TP63: variants seen among roughly 807,000 people sequenced by gnomAD.
TP63 encodes tumor protein p63.
In TP63, 17 loss-of-function variants were observed where a neutral mutation model predicts 82.8. The observed-to-expected ratio is 0.21, with a 90% CI of 0.14 to 0.31. The LOEUF (loss-of-function observed/expected upper bound fraction) is 0.31. TP63 is among the 10% of genes least tolerant of loss of function. The pLI is 1.00. For synonymous variants in TP63, 330 were observed against 321.7 expected (o/e 1.03, Z -0.28); for missense variants, 648 against 895.3 (o/e 0.72, Z 3.52).
chr3:189,769,453 G>C (rs1171035460), intron 3 of TP63, among the ~76,000 whole-genome samples: 2 of 152,178 alleles, frequency 1.3e-5, no homozygotes, highest in East Asian at 3.8e-4. Context: ...TGACAAGCCA[G>C]CTCTACCATG....
intron 3 of TP63, among the ~76,000 whole-genome samples, chr3:189,742,625 T>C (rs956971641): frequency 6.6e-6 from 1 of 152,238 alleles, no homozygotes; most frequent in Non-Finnish European, 1.5e-5. Flanking sequence ...CAACAGCCCT[T>C]AGCGTAGTGC....
chr3:189,696,432 G>A (rs773101891), intron 1 of TP63, among the ~76,000 whole-genome samples: 30 of 151,988 alleles, frequency 2.0e-4, no homozygotes, highest in Non-Finnish European at 4.0e-4. Context: ...ATACCACAAC[G>A]TATTCATTCA....
upstream of TP63, among the ~76,000 whole-genome samples, chr3:189,626,977 T>G (rs368438033): frequency 5.3e-5 from 8 of 152,280 alleles, no homozygotes; most frequent in African/African-American, 1.9e-4. Flanking sequence ...AGAATCAGTT[T>G]CTGTTGTTTA....
At chr3:189,732,034 T>C (rs992349649) in intron 1 of TP63, among the ~76,000 whole-genome samples, 2 of 152,230 alleles carry the variant, frequency 1.3e-5, no homozygotes, top group Non-Finnish European at 2.9e-5. Context: ...TTAATTTTTC[T>C]TTCCTTTTTA....
At chr3:189,622,093 C>G in the TP63 span, among the ~76,000 whole-genome samples, 1 of 152,220 alleles carries the variant, frequency 6.6e-6, no homozygotes, top group Non-Finnish European at 1.5e-5. Flanking sequence ...GCATCCACCC[C>G]CACATGCTTA....
chr3:189,622,989 C>G, the TP63 span, among the ~76,000 whole-genome samples: 1 of 152,066 alleles, frequency 6.6e-6, no homozygotes. Flanking sequence ...CTCTAAATTT[C>G]TTTTTAACTT....
At chr3:189,685,491 T>G (rs1414518500) in intron 1 of TP63, among the ~76,000 whole-genome samples, 2 of 152,184 alleles carry the variant, frequency 1.3e-5, no homozygotes, top group African/African-American at 2.4e-5. Context: ...AGATGAAGCT[T>G]CCCGCAGCCA....
At chr3:189,742,775 A>T (rs1721094839) in intron 3 of TP63, among the ~76,000 whole-genome samples, 1 of 152,228 alleles carries the variant, frequency 6.6e-6, no homozygotes, top group Non-Finnish European at 1.5e-5. Flanking sequence ...GAAAAGGCAA[A>T]TGTGTGTAAA....
the TP63 span, among the ~76,000 whole-genome samples, chr3:189,599,588 G>A: frequency 1.1e-4 from 17 of 152,178 alleles, no homozygotes; most frequent in Non-Finnish European, 2.4e-4. Context: ...TAGCAGTGAC[G>A]GCGATCATGG....
At chr3:189,597,078 T>C in the TP63 span, among the ~76,000 whole-genome samples, 1 of 152,126 alleles carries the variant, frequency 6.6e-6, no homozygotes, top group Non-Finnish European at 1.5e-5. Context: ...ACGCGCCACC[T>C]TAAGAGCTGT....
At chr3:189,642,560 G>GTA (rs1711992085) in intron 1 of TP63, among the ~76,000 whole-genome samples, 1 of 151,276 alleles carries the variant, frequency 6.6e-6, no homozygotes. Flanking sequence ...TTTTTTTCAT[G>GTA]TATAAAGAAG....
intron 3 of TP63, among the ~76,000 whole-genome samples, chr3:189,747,557 CA>C (rs1721473193): frequency 6.6e-6 from 1 of 151,802 alleles, no homozygotes; most frequent in African/African-American, 2.4e-5. Context: ...CACAATGTAT[CA>C]AAAATCTATG....
intron 1 of TP63, among the ~76,000 whole-genome samples, chr3:189,653,249 G>A (rs1162798557): frequency 6.6e-6 from 1 of 152,192 alleles, no homozygotes; most frequent in Admixed American, 6.5e-5. Flanking sequence ...GACAGAGTGG[G>A]AGAACCTAGA....
At chr3:189,815,896 A>G (rs1251685982) in intron 4 of TP63, among the ~76,000 whole-genome samples, 1 of 152,200 alleles carries the variant, frequency 6.6e-6, no homozygotes, top group East Asian at 1.9e-4. Flanking sequence ...CATTATCAGA[A>G]CATATTTTTC....
At chr3:189,664,952 A>G (rs1714249702) in intron 1 of TP63, among the ~76,000 whole-genome samples, 1 of 152,178 alleles carries the variant, frequency 6.6e-6, no homozygotes, top group South Asian at 2.1e-4. Flanking sequence ...ATATTCAGGA[A>G]TTTTACAAAC....
At position 189,805,506 on chromosome 3, in the gene TP63, G is replaced by T. The variant is rs75789632; in HGVS notation, c.325-2766G>T. On this transcript the variant is annotated intron_variant, in intron 3 of 13. Transcript: ENST00000264731. Reference sequence around the variant, plus strand: ...CAGGTAAGTTTTATTAACTTCACTGGTGAAGTCCTAGGATAAAGCAGTGCC... The same window carrying T: ...CAGGTAAGTTTTATTAACTTCACTGTTGAAGTCCTAGGATAAAGCAGTGCC... Among the ~76,000 whole-genome samples the T allele has an allele frequency of 6.6e-3, 1,012 of 152,318 alleles. 9 individuals are homozygous for T. The highest frequency in any genetic ancestry group is 0.023 in the African/African-American group (969 of 41,564).
chr3:189,682,545 AAAAAAAAAATATATATATATAT>A (rs1304069044), intron 1 of TP63, among the ~76,000 whole-genome samples: 4 of 71,240 alleles, frequency 5.6e-5, no homozygotes, highest in African/African-American at 1.8e-4. Context: ...GGAAAAAAAA[AAAAAAAAAATATATATATATAT>A]ATATATATAT....
intron 3 of TP63, among the ~76,000 whole-genome samples, chr3:189,802,728 G>A (rs746971610): frequency 3.3e-5 from 5 of 152,114 alleles, no homozygotes; most frequent in Non-Finnish European, 5.9e-5. Flanking sequence ...GTACTGAAGC[G>A]TGTTCAATCC....
At chr3:189,737,050 T>C (rs1323350892) in intron 1 of TP63, among the ~76,000 whole-genome samples, 1 of 152,124 alleles carries the variant, frequency 6.6e-6, no homozygotes, top group African/African-American at 2.4e-5. Context: ...AGCAGCAAAA[T>C]GAAGCAAACA....
Sources: gnomAD v4.1 joint callset for allele counts (sites outside exome capture counted in the v4.1 genomes callset) on GRCh38, gnomAD v4.1.1 for gene constraint, MANE v1.5 for transcripts, NCBI Gene and HGNC (gene_info 2026-07-23, HGNC 2026-07-21) for gene names.